Variants in CACUL1 observed in about 807,000 individuals in gnomAD.
CACUL1 encodes CDK2-associated and cullin domain-containing protein 1.
In CACUL1, 13 loss-of-function variants were observed where a neutral mutation model predicts 45.2. The ratio of observed to expected loss-of-function variants is 0.29; its 90% CI spans 0.19 to 0.46. The LOEUF is 0.46. CACUL1 is among the 20% of genes least tolerant of loss of function. CACUL1 has a pLI of 1.00. For missense variants in CACUL1, 421 were observed against 471.4 expected, an observed-to-expected ratio of 0.89 and a Z score of 0.99; for synonymous variants, 197 against 174.2, an observed-to-expected ratio of 1.13 and a Z score of -1.03.
At chr10:118,696,797 T>A (rs1845327655) in intron 5 of CACUL1, among the ~76,000 whole-genome samples, 3 of 152,260 alleles carry the variant, frequency 2.0e-5, no homozygotes, top group South Asian at 4.1e-4. Flanking sequence ...GTTTAAAAAT[T>A]TAAATTCTAA....
chr10:118,724,417 T>C (rs1253871548), intron 3 of CACUL1, among the ~76,000 whole-genome samples: 1 of 152,150 alleles, frequency 6.6e-6, no homozygotes, highest in Non-Finnish European at 1.5e-5. Context: ...GTCCACACTA[T>C]CTAGTCTTAT....
chr10:118,734,078 A>G (rs1213083898), intron 1 of CACUL1, among the ~76,000 whole-genome samples: 3 of 152,236 alleles, frequency 2.0e-5, no homozygotes, highest in African/African-American at 7.2e-5. Flanking sequence ...TAGCTGATTT[A>G]CTACTTTAAA....
intron 3 of CACUL1, among the ~76,000 whole-genome samples, chr10:118,713,867 G>A (rs971280740): frequency 6.6e-6 from 1 of 152,062 alleles, no homozygotes; most frequent in Non-Finnish European, 1.5e-5. Flanking sequence ...TTGGTCTCTG[G>A]AAACCTTTAC....
At chr10:118,721,610 T>C (rs1422401361) in intron 3 of CACUL1, among the ~76,000 whole-genome samples, 1 of 152,134 alleles carries the variant, frequency 6.6e-6, no homozygotes, top group Non-Finnish European at 1.5e-5. Context: ...AACAGGACCC[T>C]GAATGCAGGT....
intron 1 of CACUL1, among the ~76,000 whole-genome samples, chr10:118,743,701 C>A (rs984035799): frequency 1.3e-5 from 2 of 151,824 alleles, no homozygotes; most frequent in Admixed American, 1.3e-4. Flanking sequence ...TGCACTCCAG[C>A]CTGGGCAACA....
chr10:118,720,367 T>C (rs1026850357), intron 3 of CACUL1, among the ~76,000 whole-genome samples: 2 of 152,220 alleles, frequency 1.3e-5, no homozygotes, highest in Non-Finnish European at 2.9e-5. Flanking sequence ...ACTTTATCTC[T>C]ATGTAACACT....
chr10:118,681,895 T>C lies in CACUL1; in HGVS notation c.*4233A>G, dbSNP rs186131464. 1.5e-4 allele frequency: 23 copies of C among 152,346 alleles called. No individual in the cohort carries two copies. In the East Asian group the frequency reaches 4.2e-3, roughly 28 times the overall value. 9.4% of individuals were successfully genotyped at this position (152,346 alleles called of 1,614,324 possible). On this transcript the variant is annotated 3_prime_UTR_variant, in exon 9 of 9. Coordinates refer to ENST00000369151, the MANE Select transcript of CACUL1 (RefSeq NM_153810.5). ...TTCCCTTGGAAAACAACAGGGTTCC[T>C]TTCTCATATTCTTGTGGCCAGAAAC...
chr10:118,688,550 G>A (rs78206596), intron 7 of CACUL1, among the ~76,000 whole-genome samples: 3 of 152,276 alleles, frequency 2.0e-5, no homozygotes, highest in South Asian at 2.1e-4. Context: ...TTATGCAAGA[G>A]GCTGCTGAAG....
rs561932252 is a variant in CACUL1, at chr10:118,749,918, C to T, written c.367+4478G>A. ...CCCTAACCTGTGAAGTCAGGAATAT[C>T]AACATAGGAAGGGCTAGATGTACCC... On this transcript the variant is annotated intron_variant, in intron 1 of 8. Coordinates refer to ENST00000369151, the MANE Select transcript of CACUL1 (RefSeq NM_153810.5). Among the ~76,000 whole-genome samples the T allele has an allele frequency of 3.1e-4, 47 of 152,298 alleles. No individual in the cohort carries two copies. In the South Asian group the frequency reaches 9.3e-3, roughly 30 times the overall value.
rs976821665 is a variant in CACUL1 at position 118,684,482 on chromosome 10, C to T, written c.*1646G>A. 1 of 152,184 alleles carries T rather than the reference C, an allele frequency of 6.6e-6. No individual in the cohort carries two copies. The highest frequency in any genetic ancestry group is 2.4e-5 in the African/African-American group (1 of 41,436). The allele number at this position is 152,184 out of a possible 1,614,324, so 9.4% of individuals were successfully genotyped here. A position where few individuals can be genotyped will look rare whatever the true frequency, so the allele number is the denominator to read the frequency against. On this transcript the variant is annotated 3_prime_UTR_variant, in exon 9 of 9. Coordinates refer to ENST00000369151, the MANE Select transcript of CACUL1 (RefSeq NM_153810.5). ...GTTCTTACAGTAATTCAGTGTTCAT[C>T]GATGCAATCCAGGATGCTCACAGAG...
At position 118,754,443 on chromosome 10, in the gene CACUL1, G is replaced by C. The variant is rs980507899; in HGVS notation, c.320C>G (p.Pro107Arg). 2.5e-6 allele frequency: 4 copies of C among 1,572,470 alleles called. No individual in the cohort carries two copies. In the Admixed American group the frequency reaches 7.6e-5, roughly 30 times the overall value. Residue 107 changes from proline to arginine, a missense_variant, in exon 1 of 9, where the codon CCC becomes CGC. Transcript: ENST00000369151. ...GATGTTGATGGTGGAGCTGGCGGTG[G>C]GGGCGGGGGCCGCCTTGGCCACGGC... is the stretch of plus-strand genomic sequence containing the variant. ...AAAVAKAAPA[P>R]TASSTININT...
intron 7 of CACUL1, among the ~76,000 whole-genome samples, chr10:118,688,623 C>T (rs1489746836): frequency 2.0e-5 from 3 of 152,200 alleles, no homozygotes; most frequent in South Asian, 2.1e-4. Flanking sequence ...CAAATTTCGG[C>T]GTCACCTGCT....
At chr10:118,725,349 T>A (rs1845642374) in intron 3 of CACUL1, among the ~76,000 whole-genome samples, 1 of 152,090 alleles carries the variant, frequency 6.6e-6, no homozygotes, top group Admixed American at 6.5e-5. Context: ...ACACCTGTAG[T>A]CCCAGCTACT....
In CACUL1 at chr10:118,682,935, G is replaced by A. The variant is rs1008877284; in HGVS notation, c.*3193C>T. The A allele has an allele frequency of 6.6e-6, 1 of 152,202 alleles. No individual in the cohort carries two copies. The highest frequency in any genetic ancestry group is 6.5e-5 in the Admixed American group (1 of 15,278). The allele number at this position is 152,202 out of a possible 1,614,324, so 9.4% of individuals were successfully genotyped here. Reference sequence around the variant, plus strand: ...GCTTGTCTACAAAATAATGCACAATGCATGCATCTGGGTTTGTGTTTCTTC... The same window carrying A: ...GCTTGTCTACAAAATAATGCACAATACATGCATCTGGGTTTGTGTTTCTTC... On this transcript the variant is annotated 3_prime_UTR_variant, in exon 9 of 9. Coordinates refer to ENST00000369151, the MANE Select transcript of CACUL1 (RefSeq NM_153810.5).
intron 1 of CACUL1, among the ~76,000 whole-genome samples, chr10:118,740,707 A>G (rs1038911429): frequency 1.3e-5 from 2 of 152,102 alleles, no homozygotes; most frequent in African/African-American, 4.8e-5. Context: ...CGGGCAGATC[A>G]TGAGGTCAGG....
chr10:118,696,952 T>G (rs944259787), intron 5 of CACUL1, among the ~76,000 whole-genome samples: 9 of 152,142 alleles, frequency 5.9e-5, no homozygotes, highest in African/African-American at 2.2e-4. Context: ...TGCAAACAAC[T>G]CCTACCATAA....
intron 3 of CACUL1, among the ~76,000 whole-genome samples, chr10:118,715,859 C>T (rs1440870738): frequency 6.6e-6 from 1 of 152,168 alleles, no homozygotes; most frequent in African/African-American, 2.4e-5. Flanking sequence ...GAAGGACCTA[C>T]TAAACATGAC....
chr10:118,741,774 A>C (rs1285548521), intron 1 of CACUL1, among the ~76,000 whole-genome samples: 1 of 152,110 alleles, frequency 6.6e-6, no homozygotes, highest in Non-Finnish European at 1.5e-5. Flanking sequence ...TCTCCCTTAA[A>C]ACCTCCCATT....
At chr10:118,689,265 T>C (rs1845237712) in intron 7 of CACUL1, among the ~76,000 whole-genome samples, 1 of 152,194 alleles carries the variant, frequency 6.6e-6, no homozygotes, top group South Asian at 2.1e-4. Context: ...AAAGGTGGCA[T>C]GTGCACGTCC....
Sources: gnomAD v4.1 joint callset for allele counts (sites outside exome capture counted in the v4.1 genomes callset) on GRCh38, gnomAD v4.1.1 for gene constraint, MANE v1.5 for transcripts, NCBI Gene and HGNC (gene_info 2026-07-23, HGNC 2026-07-21) for gene names.